The following PRKN variants were observed in gnomAD, a reference collection of about 807,000 sequenced individuals.
The protein encoded by PRKN is parkin RBR E3 ubiquitin protein ligase.
A neutral mutation model predicts 59.5 loss-of-function variants in PRKN; 56 were observed. The ratio of observed to expected loss-of-function variants is 0.94; its 90% CI spans 0.76 to 1.18. PRKN has a LOEUF of 1.18. Ranked by LOEUF, PRKN falls within the 50% of genes most tolerant of loss-of-function variation. The pLI is 0.00. For missense variants in PRKN, 657 were observed against 596.4 expected (o/e 1.10, Z -1.06); for synonymous variants, 250 against 222.1 (o/e 1.13, Z -1.12).
chr6:162,064,635 A>G (rs1358953683), intron 4 of PRKN, among the ~76,000 whole-genome samples: 5 of 152,240 alleles, frequency 3.3e-5, no homozygotes, highest in Non-Finnish European at 5.9e-5. Flanking sequence ...TTTGCTGTGA[A>G]TAGATAAATG....
chr6:162,008,759 T>G (rs1782361035), intron 5 of PRKN, among the ~76,000 whole-genome samples: 1 of 152,138 alleles, frequency 6.6e-6, no homozygotes, highest in African/African-American at 2.4e-5. Flanking sequence ...CCCCAGTGAA[T>G]TAGATCCTGG....
intron 4 of PRKN, among the ~76,000 whole-genome samples, chr6:162,065,549 T>G (rs1376781689): frequency 6.6e-6 from 1 of 151,358 alleles, no homozygotes; most frequent in Non-Finnish European, 1.5e-5. Context: ...AATTCTTTTC[T>G]TTTTCTTTTT....
At chr6:161,909,885 G>A (rs1483175117) in intron 6 of PRKN, among the ~76,000 whole-genome samples, 1 of 152,180 alleles carries the variant, frequency 6.6e-6, no homozygotes, top group African/African-American at 2.4e-5. Context: ...TGGCAATAGT[G>A]CAATAGTGAA....
chr6:162,371,668 A>T (rs1364314954), intron 2 of PRKN, among the ~76,000 whole-genome samples: 3 of 152,226 alleles, frequency 2.0e-5, no homozygotes, highest in African/African-American at 7.2e-5. Flanking sequence ...TATTTATGGC[A>T]TCCATTCCAC....
chr6:162,681,260 A>T (rs1475778566), intron 1 of PRKN, among the ~76,000 whole-genome samples: 2 of 152,234 alleles, frequency 1.3e-5, no homozygotes, highest in Non-Finnish European at 2.9e-5. Flanking sequence ...TTATTAAAAT[A>T]GATACAACTC....
chr6:161,455,256 C>G (rs923421555), intron 9 of PRKN, among the ~76,000 whole-genome samples: 15 of 151,976 alleles, frequency 9.9e-5, no homozygotes, highest in Non-Finnish European at 2.2e-4. Flanking sequence ...CCAGGCTGGT[C>G]TTGAACTCCT....
rs141353943 is a variant in PRKN, at chr6:161,471,656, C to T, written c.1083+77198G>A. 1.4e-4 allele frequency among the ~76,000 whole-genome samples: 21 copies of T among 152,236 alleles called. 1 individual carries two copies. The East Asian group carries it at 3.9e-3, about 28-fold the overall frequency. On this transcript the variant is annotated intron_variant, in intron 9 of 11. Transcript: ENST00000366898. This position sits in a 1 kb window ranked among gnomAD's most constrained non-coding sequence, Gnocchi z 4.5. ...CAGAATCAGGATTCAAAAACATCCC[C>T]CCACCGTCTGACATCACTGGGTAAT...
At chr6:161,605,085 T>C (rs1361887464) in intron 7 of PRKN, among the ~76,000 whole-genome samples, 1 of 152,236 alleles carries the variant, frequency 6.6e-6, no homozygotes, top group Non-Finnish European at 1.5e-5. Context: ...TATTTTATTC[T>C]ATATTTTAGA....
chr6:161,676,184 G>T (rs1785080448), intron 7 of PRKN, among the ~76,000 whole-genome samples: 1 of 152,222 alleles, frequency 6.6e-6, no homozygotes, highest in Admixed American at 6.5e-5. Flanking sequence ...AGAGATGCTG[G>T]CCTGGGTTCG....
At chr6:162,391,186 A>T (rs1316398170) in intron 2 of PRKN, among the ~76,000 whole-genome samples, 2 of 152,132 alleles carry the variant, frequency 1.3e-5, no homozygotes, top group South Asian at 2.1e-4. Flanking sequence ...CTTACTACGC[A>T]TGCTTGACAT....
At chr6:161,420,659 G>A (rs145314926) in intron 9 of PRKN, among the ~76,000 whole-genome samples, 1,814 of 152,066 alleles carry the variant, frequency 0.012, 45 homozygotes, top group African/African-American at 0.042. Context: ...ACAGGCACGC[G>A]CCACCATGCC....
chr6:161,842,327 T>C (rs2128220862), intron 6 of PRKN, among the ~76,000 whole-genome samples: 1 of 151,726 alleles, frequency 6.6e-6, no homozygotes, highest in African/African-American at 2.4e-5. Context: ...TTACTAAAAA[T>C]ACAAAATTTA....
At chr6:162,161,655 G>GCTCA (rs1240134551) in intron 4 of PRKN, among the ~76,000 whole-genome samples, 1 of 152,046 alleles carries the variant, frequency 6.6e-6, no homozygotes, top group Non-Finnish European at 1.5e-5. Context: ...ACTTGAACAT[G>GCTCA]CTCACGGCTG....
intron 5 of PRKN, among the ~76,000 whole-genome samples, chr6:162,024,179 C>T (rs931455771): frequency 1.3e-5 from 2 of 148,656 alleles, no homozygotes; most frequent in African/African-American, 5.0e-5. Context: ...CCCTTCCTCC[C>T]TCCCTCCCCC....
At chr6:162,064,872 G>A (rs1443909209) in intron 4 of PRKN, among the ~76,000 whole-genome samples, 1 of 152,192 alleles carries the variant, frequency 6.6e-6, no homozygotes, top group Non-Finnish European at 1.5e-5. Context: ...TCTCATTAAT[G>A]GCCTCTTTTC....
At position 161,518,010 on chromosome 6, in the gene PRKN, G is replaced by A. The variant is rs113042395; in HGVS notation, c.1083+30844C>T. ...AAATCAAGAGGACTATTATTTCCTCGGGGAGACTGGCAGAAGTTGGCTGCA... is the reference window on the plus strand; with the variant it reads ...AAATCAAGAGGACTATTATTTCCTCAGGGAGACTGGCAGAAGTTGGCTGCA... On this transcript the variant is annotated intron_variant, in intron 9 of 11. Coordinates refer to ENST00000366898, the MANE Select transcript of PRKN (RefSeq NM_004562.3). This position sits in a 1 kb window ranked among gnomAD's most constrained non-coding sequence, Gnocchi z 5.0. Among the ~76,000 whole-genome samples, 1,451 of 152,202 alleles carry A rather than the reference G, an allele frequency of 9.5e-3. 26 individuals are homozygous for A. The highest frequency in any genetic ancestry group is 0.033 in the African/African-American group (1,369 of 41,518).
chr6:161,845,615 A>G (rs1793168672), intron 6 of PRKN, among the ~76,000 whole-genome samples: 2 of 151,228 alleles, frequency 1.3e-5, no homozygotes, highest in South Asian at 4.1e-4. Flanking sequence ...AATGATGAGA[A>G]AATGAAGACC....
At chr6:162,672,667 A>G (rs1779374334) in intron 1 of PRKN, among the ~76,000 whole-genome samples, 1 of 149,746 alleles carries the variant, frequency 6.7e-6, no homozygotes, top group Admixed American at 6.8e-5. Flanking sequence ...CATTCATTAT[A>G]GAAAGTTTTG....
At chr6:161,829,606 G>C (rs764040064) in intron 6 of PRKN, among the ~76,000 whole-genome samples, 2 of 152,184 alleles carry the variant, frequency 1.3e-5, no homozygotes, top group East Asian at 3.9e-4. Context: ...GGATACTAAC[G>C]CTCAGGAAGC....
Sources: allele counts gnomAD v4.1 joint callset (sites outside exome capture counted in the v4.1 genomes callset), GRCh38; gene constraint gnomAD v4.1.1; non-coding constraint Gnocchi (gnomAD v3.1); transcripts MANE v1.5; gene names NCBI Gene and HGNC (gene_info 2026-07-23, HGNC 2026-07-21).